Variants in MROH2B observed in about 807,000 individuals in gnomAD.
MROH2B encodes maestro heat like repeat family member 2B.
Under a neutral mutation model 208.6 loss-of-function variants are expected in MROH2B, and 177 were observed. That is an observed-to-expected ratio of 0.85 (90% CI 0.75 to 0.96). MROH2B has a LOEUF of 0.96. MROH2B is among the 40% of genes least tolerant of loss of function. MROH2B has a pLI of 0.00. For missense variants in MROH2B, 2,002 were observed against 1,878.7 expected (o/e 1.07, Z -1.21); for synonymous variants, 728 against 659.0 (o/e 1.10, Z -1.60).
At position 41,058,108 on chromosome 5, in the gene MROH2B, G is replaced by A. The variant is rs779454941; in HGVS notation, c.711C>T (p.Leu237=). 1.9e-6 allele frequency: 3 copies of A among 1,606,064 alleles called. No homozygotes were observed. The highest frequency in any genetic ancestry group is 1.3e-5 in the African/African-American group (1 of 74,656). ...TCTCTTTGTCTTTATACTGGTTCAGGAGCCAGGGCACCTGGCCCAGGGCGT... is the reference window on the plus strand; with the variant it reads ...TCTCTTTGTCTTTATACTGGTTCAGAAGCCAGGGCACCTGGCCCAGGGCGT... The part of the protein sequence containing the change: ...RGYALGQVPW[L]LNQYKDKEID... The change falls in exon 7 of 42, where the codon CTC becomes CTT. Residue 237 remains leucine (L), a synonymous_variant. Transcript: ENST00000399564.
In MROH2B at chr5:41,016,498, G is replaced by GTTTTTTTT. The variant is rs10689623; in HGVS notation, c.2885-1028_2885-1021dup. 7.9e-4 allele frequency among the ~76,000 whole-genome samples: 64 copies of GTTTTTTTT among 80,790 alleles called. 2 individuals are homozygous for GTTTTTTTT. The highest frequency in any genetic ancestry group is 9.7e-4 in the Non-Finnish European group (45 of 46,562). The allele number at this position is 80,790 out of a possible 152,430, so 53.0% of individuals were successfully genotyped here. A position where few individuals can be genotyped will look rare whatever the true frequency, so the allele number is the denominator to read the frequency against. ...GGCATATTTCTGTTACTACTGTAAT[G>GTTTTTTTT]TTTTTTTTTTTTTTTTTTTTTTTTG... On this transcript the variant is annotated intron_variant, in intron 28 of 41. Coordinates refer to ENST00000399564, the MANE Select transcript of MROH2B (RefSeq NM_173489.5).
chr5:41,060,711 C>A (rs1331465473), intron 6 of MROH2B, among the ~76,000 whole-genome samples: 1 of 152,164 alleles, frequency 6.6e-6, no homozygotes, highest in Non-Finnish European at 1.5e-5. Flanking sequence ...CTTGCCTGGC[C>A]CTTCCTGCAG....
intron 6 of MROH2B, 52 bp from the exon 7 acceptor site, chr5:41,058,255 T>C: frequency 7.0e-7 from 1 of 1,424,056 alleles, no homozygotes. Flanking sequence ...ATGTTTTTCA[T>C]AGGTTTTCAG....
At chr5:41,008,983 T>C (rs1180125565) in intron 32 of MROH2B, among the ~76,000 whole-genome samples, 190 bp from the exon 33 acceptor site, 1 of 152,212 alleles carries the variant, frequency 6.6e-6, no homozygotes, top group African/African-American at 2.4e-5. Flanking sequence ...ACACTAGTCA[T>C]GTAAAATAAA....
Position 41,023,243 on chromosome 5 carries a change from C to T in MROH2B, c.2442-4225G>A, listed in dbSNP as rs542128550. Among the ~76,000 whole-genome samples, 252 of 152,196 alleles carry T rather than the reference C, an allele frequency of 1.7e-3. 2 individuals are homozygous for T. Among genetic ancestry groups the T allele is most frequent in the African/African-American group, 5.6e-3 (232 of 41,524 alleles). ...AAGGCTTCAGATGATCAAACTTCTCCGAGCTAAAGGAGGAAGTTCGAACCC... is the reference window on the plus strand; with the variant it reads ...AAGGCTTCAGATGATCAAACTTCTCTGAGCTAAAGGAGGAAGTTCGAACCC... On this transcript the variant is annotated intron_variant, in intron 24 of 41. Coordinates refer to ENST00000399564, the MANE Select transcript of MROH2B (RefSeq NM_173489.5).
chr5:41,007,316 G>A lies in MROH2B; in HGVS notation c.3747C>T (p.Ala1249=). ...GTTCTAGAAAAAGTGCACATTACCT[G>A]GCCAGTGAACATACGCCTATGTGGT... ...STHHIGVCSL[A]RSMAVWQHGV... Residue 1249 remains alanine (A), a splice_region_variant and synonymous_variant, in exon 34 of 42, where the codon GCC becomes GCT. Transcript: ENST00000399564. The A allele has an allele frequency of 1.4e-6, 2 of 1,410,760 alleles. No homozygotes were observed. Among genetic ancestry groups the A allele is most frequent in the Non-Finnish European group, 1.9e-6 (2 of 1,074,006 alleles). 87.4% of individuals were successfully genotyped at this position (1,410,760 alleles called of 1,614,324 possible).
intron 24 of MROH2B, among the ~76,000 whole-genome samples, chr5:41,021,747 C>A (rs1272923174): frequency 3.3e-5 from 5 of 151,982 alleles, no homozygotes; most frequent in Non-Finnish European, 7.4e-5. Context: ...CGTGGTGGTG[C>A]TCACCTGTGG....
chr5:41,024,815 C>A (rs1043141320), intron 24 of MROH2B, among the ~76,000 whole-genome samples: 2 of 152,156 alleles, frequency 1.3e-5, no homozygotes, highest in African/African-American at 4.8e-5. Context: ...TGTAAAAGAA[C>A]AGAAATTATA....
chr5:41,008,745 C>T lies in MROH2B; in HGVS notation c.3469G>A (p.Gly1157Ser), dbSNP rs771291041. ...AGAGTGAACAGCTCTGGATACAAGC[C>T]GGTGACAGAGGTGCCCATTGAGATC... The part of the protein sequence containing the change: ...EVISMGTSVT[G>S]LYPELFTLLL... Residue 1157 changes from glycine to serine, a missense_variant, in exon 33 of 42, where the codon GGC becomes AGC. Coordinates refer to ENST00000399564, the MANE Select transcript of MROH2B (RefSeq NM_173489.5). The T allele has an allele frequency of 4.2e-5, 67 of 1,613,632 alleles. No homozygotes were observed. Among genetic ancestry groups the T allele is most frequent in the East Asian group, 8.9e-5 (4 of 44,884 alleles).
rs766175391 is a variant in MROH2B at position 41,057,176 on chromosome 5, G to A, written c.852C>T (p.Ile284=). The A allele has an allele frequency of 1.9e-6, 3 of 1,613,908 alleles. No homozygotes were observed. In the South Asian group the frequency reaches 3.3e-5, roughly 18 times the overall value. Residue 284 remains isoleucine, a splice_region_variant and synonymous_variant, in exon 9 of 42, where the codon ATC becomes ATT. Coordinates refer to ENST00000399564, the MANE Select transcript of MROH2B (RefSeq NM_173489.5). Reference sequence around the variant, plus strand: ...TTACTGGAGGCTCTGGAGCTCTGCAGATCTGAATGGGGGTGGAAATCAGGT... The same window carrying A: ...TTACTGGAGGCTCTGGAGCTCTGCAAATCTGAATGGGGGTGGAAATCAGGT... ...RSIFINLLQQ[I]CRAPEPPVKE...
intron 28 of MROH2B, among the ~76,000 whole-genome samples, chr5:41,016,213 C>T (rs927500584): frequency 3.0e-5 from 4 of 131,282 alleles, no homozygotes; most frequent in African/African-American, 1.1e-4. Flanking sequence ...CCATGAGTAT[C>T]GATGGGTATT....
intron 22 of MROH2B, 71 bp from the exon 23 acceptor site, chr5:41,033,231 T>C (rs1742637068): frequency 6.4e-7 from 1 of 1,567,240 alleles, no homozygotes; most frequent in Non-Finnish European, 8.7e-7. Flanking sequence ...ACATGTGACC[T>C]AGCTTTGAAA....
chr5:41,032,912 T>C, intron 23 of MROH2B, 91 bp from the exon 24 acceptor site: 1 of 1,550,040 alleles, frequency 6.5e-7, no homozygotes. Flanking sequence ...TTGGGTGCCC[T>C]GGGTCATAAA....
At chr5:41,027,429 CA>C (rs1464216504) in intron 24 of MROH2B, among the ~76,000 whole-genome samples, 1 of 151,356 alleles carries the variant, frequency 6.6e-6, no homozygotes. Context: ...CCAACAGACA[CA>C]TGAAAAAATG....
chr5:41,009,377 G>C lies in MROH2B; in HGVS notation c.3323C>G (p.Ala1108Gly). ...RDTKTLWKAL[A>G]EKPASSGKLL... ...TTTCCCACTGGAGGCTGGCTTTTCA[G>C]CCAGCGCCTTCCACAATGTCTTTGT... Residue 1108 changes from alanine (A) to glycine (G), a missense_variant, in exon 32 of 42, where the codon GCT becomes GGT. Ala to Gly is a moderately conservative substitution (Grantham distance 60, BLOSUM62 0). Transcript: ENST00000399564. 6.2e-7 allele frequency: 1 copy of C among 1,613,872 alleles called. No homozygotes were observed. Among genetic ancestry groups the C allele is most frequent in the Non-Finnish European group, 8.5e-7 (1 of 1,179,802 alleles).
intron 37 of MROH2B, among the ~76,000 whole-genome samples, chr5:41,001,738 A>G (rs1579896841): frequency 6.6e-6 from 1 of 151,984 alleles, no homozygotes; most frequent in Non-Finnish European, 1.5e-5. Context: ...GAAAAAAAAA[A>G]GAAAACAAGA....
intron 28 of MROH2B, among the ~76,000 whole-genome samples, chr5:41,015,915 C>T (rs1741933736): frequency 6.6e-6 from 1 of 152,230 alleles, no homozygotes; most frequent in South Asian, 2.1e-4. Context: ...TGAAAAGTAA[C>T]TACTGTAATG....
Position 40,998,281 on chromosome 5 carries a change from C to T in MROH2B, c.4652-123G>A, listed in dbSNP as rs1741273501. 2.5e-5 allele frequency: 17 copies of T among 690,130 alleles called. No individual in the cohort carries two copies. The South Asian group carries it at 2.8e-4, about 11-fold the overall frequency. The allele number at this position is 690,130 out of a possible 1,614,324, so 42.8% of individuals were successfully genotyped here. A position where few individuals can be genotyped will look rare whatever the true frequency, so the allele number is the denominator to read the frequency against. On this transcript the variant is annotated intron_variant, in intron 41 of 41. Coordinates refer to ENST00000399564, the MANE Select transcript of MROH2B (RefSeq NM_173489.5). ...CAGACCCAAGTGGGGCTCAGGTCCT[C>T]ATGCTCACATTTTATCCTAAAAGGT...
At chr5:41,044,250 A>T (rs1158499902) in intron 18 of MROH2B, among the ~76,000 whole-genome samples, 1 of 12,860 alleles carries the variant, frequency 7.8e-5, no homozygotes, top group Non-Finnish European at 2.6e-4. Context: ...ACTCCATCTC[A>T]AAAAAAAAAA....
Sources: allele counts gnomAD v4.1 joint callset (sites outside exome capture counted in the v4.1 genomes callset), GRCh38; gene constraint gnomAD v4.1.1; transcripts MANE v1.5; gene names NCBI Gene and HGNC (gene_info 2026-07-23, HGNC 2026-07-21).